Variants in PTPN18 observed in about 807,000 individuals in gnomAD.
PTPN18 encodes tyrosine-protein phosphatase non-receptor type 18.
In PTPN18, 65 loss-of-function variants were observed where a neutral mutation model predicts 65.4. That is an observed-to-expected ratio of 0.99 (90% CI 0.81 to 1.22). The LOEUF (loss-of-function observed/expected upper bound fraction) is 1.22. PTPN18 is among the 50% of genes most tolerant of loss of function. PTPN18 has a pLI of 0.00. For synonymous variants in PTPN18, 255 were observed against 267.8 expected (o/e 0.95, Z 0.47); for missense variants, 616 against 646.5 (o/e 0.95, Z 0.51).
At chr2:130,356,482 C>G (rs1573853818) in intron 1 of PTPN18, 2 of 527,474 alleles carry the variant, frequency 3.8e-6, no homozygotes, top group East Asian at 8.7e-5. Flanking sequence ...CCCGGAACAA[C>G]CTGGCTGCGG....
rs1054999534 is a variant in PTPN18, at chr2:130,356,149, G to T, written c.42G>T (p.Arg14=). The change falls in exon 1 of 15, where the codon CGG becomes CGT. Residue 14 remains arginine, a synonymous_variant. Coordinates refer to ENST00000175756, the MANE Select transcript of PTPN18 (RefSeq NM_014369.4). ...SLDSARSFLE[R]LEARGGREGA... ...ACTCGGCGCGGAGCTTCCTGGAGCGGCTGGAAGCGCGGGGCGGCCGGGAGG... is the reference window on the plus strand; with the variant it reads ...ACTCGGCGCGGAGCTTCCTGGAGCGTCTGGAAGCGCGGGGCGGCCGGGAGG... The T allele has an allele frequency of 9.9e-6, 13 of 1,313,750 alleles. No homozygotes were observed. In the African/African-American group the frequency reaches 1.4e-4, roughly 14 times the overall value. 81.4% of individuals were successfully genotyped at this position (1,313,750 alleles called of 1,614,324 possible).
intron 5 of PTPN18, among the ~76,000 whole-genome samples, chr2:130,365,672 TCTTC>T (rs1193245188): frequency 1.3e-5 from 2 of 152,228 alleles, no homozygotes. Flanking sequence ...TTACTCCTGT[TCTTC>T]CTTCTAAGTG....
At chr2:130,371,383 C>G in intron 12 of PTPN18, 96 bp downstream of exon 12, 2 of 1,100,926 alleles carry the variant, frequency 1.8e-6, no homozygotes, top group Non-Finnish European at 2.6e-6. Flanking sequence ...GTTCACTTCG[C>G]CAAGTGTTCG....
chr2:130,365,803 A>G (rs1680363785), intron 5 of PTPN18, among the ~76,000 whole-genome samples: 1 of 152,216 alleles, frequency 6.6e-6, no homozygotes, highest in Admixed American at 6.5e-5. Flanking sequence ...CAGTTGTTCC[A>G]GCACCATTTG....
At chr2:130,371,160 C>T in intron 11 of PTPN18, 39 bp from the exon 12 acceptor site, 1 of 1,533,242 alleles carries the variant, frequency 6.5e-7, no homozygotes, top group Non-Finnish European at 9.0e-7. Context: ...GCCTGGCCAG[C>T]TTCCTCCCTC....
rs1680691450 is a variant in PTPN18, at chr2:130,374,751, C to G, written c.*1527C>G. ...CCCTGGGCCCCATGTCCACCCCTGT[C>G]CTGCCCTTCTCTGGGATAGGGCTGG... is the stretch of plus-strand genomic sequence containing the variant. On this transcript the variant is annotated 3_prime_UTR_variant, in exon 15 of 15. Coordinates refer to ENST00000175756, the MANE Select transcript of PTPN18 (RefSeq NM_014369.4). The G allele has an allele frequency of 2.1e-6, 1 of 466,770 alleles. No individual in the cohort carries two copies. The highest frequency in any genetic ancestry group is 7.0e-5 in the East Asian group (1 of 14,350). 28.9% of individuals were successfully genotyped at this position (466,770 alleles called of 1,614,324 possible).
chr2:130,373,349 G>A lies in PTPN18; in HGVS notation c.*125G>A. On this transcript the variant is annotated 3_prime_UTR_variant, in exon 15 of 15. Transcript: ENST00000175756. This position sits in a 1 kb window ranked among gnomAD's most constrained non-coding sequence, Gnocchi z 4.1. Reference sequence around the variant, plus strand: ...ATCAAAGTTAAAGTTTCTCAGGGTGGGAAATGTGGGGGCTTTGCCCCAATG... The same window carrying A: ...ATCAAAGTTAAAGTTTCTCAGGGTGAGAAATGTGGGGGCTTTGCCCCAATG... 1 of 1,016,846 alleles carries A rather than the reference G, an allele frequency of 9.8e-7. No homozygotes were observed. 63.0% of individuals were successfully genotyped at this position (1,016,846 alleles called of 1,614,324 possible). A position where few individuals can be genotyped will look rare whatever the true frequency, so the allele number is the denominator to read the frequency against.
chr2:130,373,144 C>G lies in PTPN18; in HGVS notation c.1316-13C>G. ...GCTTCTCCATGAGACCCACGGCACC[C>G]TTCTTCTCCCAGGTTTCAACCTGCG... On this transcript the variant is annotated splice_polypyrimidine_tract_variant and intron_variant, in intron 14 of 14. Transcript: ENST00000175756. The surrounding 1 kb of genome is among the most constrained non-coding windows in gnomAD (Gnocchi z 4.1). 1 of 1,568,452 alleles carries G rather than the reference C, an allele frequency of 6.4e-7. No individual in the cohort carries two copies. Among genetic ancestry groups the G allele is most frequent in the East Asian group, 2.3e-5 (1 of 44,316 alleles).
rs756594793 is a variant in PTPN18 at position 130,371,236 on chromosome 2, G to A, written c.962G>A (p.Arg321Gln). Residue 321 changes from arginine to glutamine, a missense_variant, in exon 12 of 15, where the codon CGG (arginine) becomes CAG (glutamine). By Grantham distance (43) the Arg-to-Gln change is conservative (BLOSUM62 1). Transcript: ENST00000175756. Reference protein sequence around the residue: ...APLYDDALFLRTPQALLAIPR... With the variant: ...APLYDDALFLQTPQALLAIPR... ...CTCTACGACGATGCCCTCTTCCTCC[G>A]GACTCCCCAGGCACTTCTCGCCATA... 1.5e-5 allele frequency: 24 copies of A among 1,610,566 alleles called. No homozygotes were observed. The highest frequency in any genetic ancestry group is 3.3e-5 in the Admixed American group (2 of 59,954).
chr2:130,369,111 T>C lies in PTPN18; in HGVS notation c.415-22T>C, dbSNP rs1195513876. On this transcript the variant is annotated intron_variant, in intron 5 of 14. Transcript: ENST00000175756. The stretch of plus-strand genomic sequence containing the variant: ...TGACTCCCTCTTCTCACTCCCTGCC[T>C]TTTCTCCCTTACCTTTTGCAGAAAA... 3 of 1,596,906 alleles carry C rather than the reference T, an allele frequency of 1.9e-6. No individual in the cohort carries two copies. The African/African-American group carries it at 4.0e-5, about 21-fold the overall frequency.
At chr2:130,364,947 A>G (rs1441878212) in intron 5 of PTPN18, among the ~76,000 whole-genome samples, 1 of 152,114 alleles carries the variant, frequency 6.6e-6, no homozygotes, top group African/African-American at 2.4e-5. Flanking sequence ...TGGCTGTACC[A>G]TTTTACGTTC....
chr2:130,372,253 G>A lies in PTPN18; in HGVS notation c.1014-4G>A, dbSNP rs562602623. 8.0e-5 allele frequency: 126 copies of A among 1,573,350 alleles called. No homozygotes were observed. The East Asian group carries it at 2.0e-3, about 26-fold the overall frequency. ...CACTTCCTCCCGGCCCTCCCTGCCT[G>A]CAGGAGCATCTCTGTGCCCGGGTCC... On this transcript the variant is annotated splice_region_variant and splice_polypyrimidine_tract_variant and intron_variant, in intron 12 of 14. Coordinates refer to ENST00000175756, the MANE Select transcript of PTPN18 (RefSeq NM_014369.4).
chr2:130,361,536 T>TTC lies in PTPN18; in HGVS notation c.414+1892_414+1893dup, dbSNP rs1553458532. Among the ~76,000 whole-genome samples, 459 of 140,380 alleles carry TTC rather than the reference T, an allele frequency of 3.3e-3. 3 individuals carry two copies. Among genetic ancestry groups the TTC allele is most frequent in the African/African-American group, 0.014 (443 of 32,714 alleles). 92.1% of individuals were successfully genotyped at this position (140,380 alleles called of 152,430 possible). On this transcript the variant is annotated intron_variant, in intron 5 of 14. Transcript: ENST00000175756. Reference sequence around the variant, plus strand: ...TCTCTTTCTTTCTTTCTTTCTTTCTTTCTTTCTTTCTTTCTTTCTTTCTTT... The same window carrying TTC: ...TCTCTTTCTTTCTTTCTTTCTTTCTTTCTCTTTCTTTCTTTCTTTCTTTCTTT...
At position 130,371,187 on chromosome 2, in the gene PTPN18, G is replaced by GT; in HGVS notation, c.925-7dup. 6.3e-7 allele frequency: 1 copy of GT among 1,593,990 alleles called. No individual in the cohort carries two copies. The highest frequency in any genetic ancestry group is 8.6e-7 in the Non-Finnish European group (1 of 1,164,406). ...TCCTCCCTCAGGAGCCTCCCCTCCT[G>GT]TTTTTCTTCAGAATTGTGCCCCACT... is the stretch of plus-strand genomic sequence containing the variant. On this transcript the variant is annotated splice_polypyrimidine_tract_variant and intron_variant, in intron 11 of 14. Transcript: ENST00000175756.
At chr2:130,364,241 G>A (rs1440425174) in intron 5 of PTPN18, among the ~76,000 whole-genome samples, 2 of 152,000 alleles carry the variant, frequency 1.3e-5, no homozygotes, top group African/African-American at 4.8e-5. Context: ...CCCATTTCCA[G>A]GTAACCTCTA....
At chr2:130,360,114 G>A (rs1000130156) in intron 5 of PTPN18, among the ~76,000 whole-genome samples, 10 of 152,130 alleles carry the variant, frequency 6.6e-5, no homozygotes, top group African/African-American at 9.7e-5. Flanking sequence ...GAGACCTTCC[G>A]GGGTGGGTCT....
chr2:130,359,243 G>A lies in PTPN18; in HGVS notation c.213G>A (p.Thr71=), dbSNP rs765458959. 2.0e-5 allele frequency: 32 copies of A among 1,613,908 alleles called. No individual in the cohort carries two copies. In the South Asian group the frequency reaches 2.9e-4, roughly 14 times the overall value. ...CTTATCTGCTGACAGATGATCAGAC[G>A]CGAGTAATCCTCTCCCTGCTCCAGG... The part of the protein sequence containing the change: ...RYKDVLPYDQ[T]RVILSLLQEE... The change falls in exon 3 of 15, where the codon ACG becomes ACA. Residue 71 remains threonine, a synonymous_variant. Transcript: ENST00000175756.
intron 6 of PTPN18, 55 bp downstream of exon 6, chr2:130,369,256 G>C: frequency 6.6e-7 from 1 of 1,512,004 alleles, no homozygotes; most frequent in Non-Finnish European, 9.2e-7. Context: ...CTTTGGGTTG[G>C]GCCTAAAAGG....
intron 5 of PTPN18, among the ~76,000 whole-genome samples, chr2:130,363,851 G>A (rs56326009): frequency 6.6e-6 from 1 of 151,868 alleles, no homozygotes; most frequent in East Asian, 1.9e-4. Flanking sequence ...TTTTGAGGAA[G>A]TGCCAAACTG....
Sources: gnomAD v4.1 joint callset for allele counts (sites outside exome capture counted in the v4.1 genomes callset) on GRCh38, gnomAD v4.1.1 for gene constraint, Gnocchi (gnomAD v3.1) non-coding constraint, MANE v1.5 for transcripts, NCBI Gene and HGNC (gene_info 2026-07-23, HGNC 2026-07-21) for gene names.